DENND6A: variants seen among roughly 807,000 people sequenced by gnomAD.
DENND6A encodes protein DENND6A.
In DENND6A, 43 loss-of-function variants were observed where a neutral mutation model predicts 95.5. The ratio of observed to expected loss-of-function variants is 0.45; its 90% confidence interval spans 0.35 to 0.58. The LOEUF is 0.58. DENND6A is among the 20% of genes least tolerant of loss of function. DENND6A has a pLI of 0.00. For missense variants in DENND6A, 574 were observed against 736.0 expected, an observed-to-expected ratio of 0.78 and a Z score of 2.55; for synonymous variants, 257 against 260.4, an observed-to-expected ratio of 0.99 and a Z score of 0.13.
intron 5 of DENND6A, 68 bp from the exon 6 acceptor site, chr3:57,661,619 T>A: frequency 1.6e-6 from 2 of 1,244,528 alleles, no homozygotes; most frequent in Non-Finnish European, 2.2e-6. Context: ...AATCAATTAC[T>A]AACAAGCTAA....
intron 1 of DENND6A, among the ~76,000 whole-genome samples, chr3:57,679,252 C>A (rs2153417003): frequency 6.6e-6 from 1 of 152,294 alleles, no homozygotes; most frequent in South Asian, 2.1e-4. Context: ...ATGCACACAT[C>A]CTATTCTTTT....
Position 57,663,485 on chromosome 3 carries a change from A to T in DENND6A, c.513+151T>A, listed in dbSNP as rs369156927. On this transcript the variant is annotated intron_variant, in intron 5 of 19. Transcript: ENST00000311128. ...CCTCAAAAAAAAAAAAAAAAAAAAA[A>T]AAATATATATATACACACACACACA... 7.1e-3 allele frequency: 1,238 copies of T among 173,680 alleles called. 8 individuals carry two copies. Among genetic ancestry groups the T allele is most frequent in the African/African-American group, 0.041 (992 of 24,300 alleles). The allele number at this position is 173,680 out of a possible 1,614,324, so 10.8% of individuals were successfully genotyped here.
At chr3:57,663,485 AAAAT>A in intron 5 of DENND6A, 147 bp downstream of exon 5, 4 of 163,028 alleles carry the variant, frequency 2.5e-5, no homozygotes, top group South Asian at 2.5e-4. Flanking sequence ...AAAAAAAAAA[AAAAT>A]ATATATATAC....
At chr3:57,659,054 G>C in intron 8 of DENND6A, 64 bp downstream of exon 8, 1 of 1,492,626 alleles carries the variant, frequency 6.7e-7, no homozygotes, top group Non-Finnish European at 9.3e-7. Context: ...GCATTTGCTA[G>C]TTTAAAAATT....
chr3:57,631,633 C>T (rs1346271944), intron 15 of DENND6A, among the ~76,000 whole-genome samples: 4 of 151,238 alleles, frequency 2.6e-5, no homozygotes, highest in Non-Finnish European at 5.9e-5. Context: ...GAAACTGAGG[C>T]TTCTTCAAAA....
chr3:57,657,782 T>C, intron 8 of DENND6A, 47 bp from the exon 9 acceptor site: 1 of 1,268,458 alleles, frequency 7.9e-7, no homozygotes, highest in Non-Finnish European at 1.1e-6. Flanking sequence ...CCAAAATTTA[T>C]GGAAAATTTT....
chr3:57,654,461 A>G (rs2071281328), intron 9 of DENND6A, among the ~76,000 whole-genome samples: 1 of 152,214 alleles, frequency 6.6e-6, no homozygotes. Flanking sequence ...GTAGAAAGCC[A>G]AAATAACTTG....
chr3:57,666,803 A>G (rs1559823710), intron 3 of DENND6A, among the ~76,000 whole-genome samples: 1 of 152,220 alleles, frequency 6.6e-6, no homozygotes, highest in Non-Finnish European at 1.5e-5. Context: ...CAGCAGTAAC[A>G]CTCAAAGACA....
At chr3:57,633,434 T>C in intron 14 of DENND6A, 80 bp from the exon 15 acceptor site, 1 of 1,144,928 alleles carries the variant, frequency 8.7e-7, no homozygotes, top group Non-Finnish European at 1.3e-6. Context: ...TCAATTGCTA[T>C]GTAAATATAC....
At chr3:57,676,559 T>G (rs564414196) in intron 1 of DENND6A, among the ~76,000 whole-genome samples, 12 of 152,096 alleles carry the variant, frequency 7.9e-5, no homozygotes, top group African/African-American at 2.2e-4. Flanking sequence ...TGTACTTAAT[T>G]TAATGTGTAT....
At chr3:57,641,361 T>C (rs1342699357) in intron 12 of DENND6A, among the ~76,000 whole-genome samples, 1 of 145,472 alleles carries the variant, frequency 6.9e-6, no homozygotes, top group Non-Finnish European at 1.5e-5. Context: ...ATATTTAATA[T>C]ATATAAAGCT....
At chr3:57,678,248 C>T (rs2077126546) in intron 1 of DENND6A, among the ~76,000 whole-genome samples, 1 of 152,160 alleles carries the variant, frequency 6.6e-6, no homozygotes, top group Admixed American at 6.6e-5. Flanking sequence ...GATATCTCTA[C>T]AGCTTATCAG....
intron 7 of DENND6A, among the ~76,000 whole-genome samples, chr3:57,659,972 A>G (rs1325645154): frequency 6.6e-6 from 1 of 152,224 alleles, no homozygotes; most frequent in Admixed American, 6.5e-5. Flanking sequence ...TAGCATTTAC[A>G]TATACATGTA....
At chr3:57,632,714 ACTTT>A (rs1309941958) in intron 15 of DENND6A, among the ~76,000 whole-genome samples, 1 of 152,142 alleles carries the variant, frequency 6.6e-6, no homozygotes, top group Non-Finnish European at 1.5e-5. Context: ...TACTCCCTAT[ACTTT>A]AATATGACAT....
intron 1 of DENND6A, among the ~76,000 whole-genome samples, chr3:57,676,029 T>C (rs1317878246): frequency 6.6e-6 from 1 of 151,826 alleles, no homozygotes; most frequent in African/African-American, 2.4e-5. Flanking sequence ...GCCAAGATCA[T>C]GCCACTCCAC....
In DENND6A at chr3:57,692,774, G is replaced by A. The variant is rs1400925219; in HGVS notation, c.237+8C>T. On this transcript the variant is annotated splice_region_variant and intron_variant, in intron 1 of 19. Transcript: ENST00000311128. The stretch of plus-strand genomic sequence containing the variant: ...GGAGCGCCGAGAAAGGGCGGGGCCG[G>A]GCCTCACCTCCACGGCCTGGCCCAG... 8.0e-6 allele frequency: 12 copies of A among 1,498,970 alleles called. No homozygotes were observed. The highest frequency in any genetic ancestry group is 2.4e-5 in the Admixed American group (1 of 42,064). 92.9% of individuals were successfully genotyped at this position (1,498,970 alleles called of 1,614,324 possible). A position where few individuals can be genotyped will look rare whatever the true frequency, so the allele number is the denominator to read the frequency against.
At chr3:57,690,655 G>T (rs2077255164) in intron 1 of DENND6A, among the ~76,000 whole-genome samples, 1 of 150,476 alleles carries the variant, frequency 6.6e-6, no homozygotes, top group Non-Finnish European at 1.5e-5. Flanking sequence ...CTGCACTCCA[G>T]CCTGGCTGAC....
chr3:57,656,310 T>C (rs2071324255), intron 9 of DENND6A, among the ~76,000 whole-genome samples: 1 of 152,230 alleles, frequency 6.6e-6, no homozygotes, highest in South Asian at 2.1e-4. Context: ...TCACTTAGCA[T>C]AATGCTTTTG....
At chr3:57,644,082 G>A (rs528342252) in intron 11 of DENND6A, among the ~76,000 whole-genome samples, 5 of 151,358 alleles carry the variant, frequency 3.3e-5, no homozygotes, top group East Asian at 1.9e-4. Context: ...CCCGGGAGGC[G>A]GAGGTTGCAG....
Sources: gnomAD v4.1 joint callset for allele counts (sites outside exome capture counted in the v4.1 genomes callset) on GRCh38, gnomAD v4.1.1 for gene constraint, MANE v1.5 for transcripts, NCBI Gene and HGNC (gene_info 2026-07-23, HGNC 2026-07-21) for gene names.